The following FARS2 variants were observed in gnomAD, a reference collection of about 807,000 sequenced individuals.
FARS2 encodes phenylalanine--tRNA ligase, mitochondrial.
Under a neutral mutation model 46.4 loss-of-function variants are expected in FARS2, and 40 were observed. That is an observed-to-expected ratio of 0.86 (90% CI 0.67 to 1.12). The LOEUF (loss-of-function observed/expected upper bound fraction) is 1.12. FARS2 is among the 50% of genes most tolerant of loss of function. FARS2 has a pLI of 0.00. For synonymous variants in FARS2, 234 were observed against 214.9 expected (o/e 1.09, Z -0.78); for missense variants, 513 against 567.9 (o/e 0.90, Z 0.98).
intron 3 of FARS2, among the ~76,000 whole-genome samples, chr6:5,414,809 C>CTTTT (rs1473516505): frequency 2.5e-5 from 3 of 117,810 alleles, no homozygotes; most frequent in South Asian, 3.0e-4. Flanking sequence ...AGGTATATGA[C>CTTTT]TGTTTTTTTT....
intron 5 of FARS2, among the ~76,000 whole-genome samples, chr6:5,549,337 C>G (rs974887943): frequency 1.3e-5 from 2 of 152,188 alleles, no homozygotes; most frequent in Admixed American, 6.5e-5. Flanking sequence ...CCTCTTCCCC[C>G]CACTCCACGA....
chr6:5,322,676 C>G (rs1770066781), intron 1 of FARS2, among the ~76,000 whole-genome samples: 1 of 152,170 alleles, frequency 6.6e-6, no homozygotes, highest in Non-Finnish European at 1.5e-5. Context: ...TGACAGCCGT[C>G]ACACAGAGGG....
intron 2 of FARS2, among the ~76,000 whole-genome samples, chr6:5,379,627 T>C (rs568345685): frequency 6.6e-6 from 1 of 152,284 alleles, no homozygotes; most frequent in East Asian, 1.9e-4. Flanking sequence ...ATCCACGCTC[T>C]GGAATGTACC....
At chr6:5,287,177 A>AGT (rs1417973999) in intron 1 of FARS2, among the ~76,000 whole-genome samples, 1 of 152,182 alleles carries the variant, frequency 6.6e-6, no homozygotes, top group Non-Finnish European at 1.5e-5. Flanking sequence ...GGTGTGATAT[A>AGT]GTGTTCAGAT....
At chr6:5,507,605 AG>A (rs1330788205) in intron 4 of FARS2, among the ~76,000 whole-genome samples, 1 of 152,238 alleles carries the variant, frequency 6.6e-6, no homozygotes, top group Non-Finnish European at 1.5e-5. Flanking sequence ...GAACGTGAAG[AG>A]GAAGCAGAGC....
chr6:5,592,913 A>T (rs1350149654), intron 5 of FARS2, among the ~76,000 whole-genome samples: 1 of 152,192 alleles, frequency 6.6e-6, no homozygotes, highest in Admixed American at 6.5e-5. Context: ...GGGACCAACC[A>T]TCCATCACAC....
At chr6:5,648,755 A>G (rs997104580) in intron 6 of FARS2, among the ~76,000 whole-genome samples, 3 of 152,010 alleles carry the variant, frequency 2.0e-5, no homozygotes, top group Non-Finnish European at 4.4e-5. Context: ...CAATTCCACT[A>G]CTATTTTTAT....
At chr6:5,643,527 T>C (rs1776927122) in intron 6 of FARS2, among the ~76,000 whole-genome samples, 1 of 152,204 alleles carries the variant, frequency 6.6e-6, no homozygotes, top group Non-Finnish European at 1.5e-5. Flanking sequence ...TTCCTCACTG[T>C]GTTGGGCATC....
intron 4 of FARS2, among the ~76,000 whole-genome samples, chr6:5,482,954 C>T (rs114268633): frequency 0.012 from 1,846 of 152,254 alleles, 48 homozygotes; most frequent in African/African-American, 0.042. Flanking sequence ...GAAGGAATTG[C>T]TGGAGCTCTG....
At chr6:5,349,510 C>T (rs968443069) in intron 1 of FARS2, among the ~76,000 whole-genome samples, 1 of 152,154 alleles carries the variant, frequency 6.6e-6, no homozygotes, top group Non-Finnish European at 1.5e-5. Context: ...TACTAACTTT[C>T]AACCCTTGAG....
chr6:5,528,231 T>C (rs1769595071), intron 4 of FARS2, among the ~76,000 whole-genome samples: 2 of 152,146 alleles, frequency 1.3e-5, no homozygotes, highest in Admixed American at 1.3e-4. Flanking sequence ...GGTTTCACTC[T>C]GTTGCCAAGG....
chr6:5,534,201 A>G (rs1770038004), intron 4 of FARS2, among the ~76,000 whole-genome samples: 1 of 152,218 alleles, frequency 6.6e-6, no homozygotes, highest in Non-Finnish European at 1.5e-5. Context: ...CCTTTCAGAA[A>G]GTGACGAACA....
At chr6:5,575,964 G>A (rs1229384766) in intron 5 of FARS2, among the ~76,000 whole-genome samples, 5 of 152,080 alleles carry the variant, frequency 3.3e-5, no homozygotes, top group Admixed American at 3.3e-4. Context: ...CCATATTGGT[G>A]GTGAGAGCTC....
intron 5 of FARS2, among the ~76,000 whole-genome samples, chr6:5,574,597 A>G (rs1772852116): frequency 1.3e-5 from 2 of 152,322 alleles, no homozygotes; most frequent in East Asian, 1.9e-4. Context: ...CTGTGTGTGT[A>G]CAGTAGATTC....
At chr6:5,366,302 GTATGAATGTCGTTGGTCT>G (rs1758673281) in intron 1 of FARS2, among the ~76,000 whole-genome samples, 1 of 152,184 alleles carries the variant, frequency 6.6e-6, no homozygotes, top group Non-Finnish European at 1.5e-5. Context: ...ATTAATAGAA[GTATGAATGTCGTTGGTCT>G]TATCCTCCTG....
intron 5 of FARS2, among the ~76,000 whole-genome samples, chr6:5,579,928 T>TTTG (rs1003627778): frequency 2.0e-5 from 3 of 152,158 alleles, no homozygotes; most frequent in African/African-American, 7.2e-5. Context: ...TTTGTTTGTT[T>TTTG]TTGTTGTTGT....
intron 4 of FARS2, among the ~76,000 whole-genome samples, chr6:5,489,210 T>C (rs1287351167): frequency 6.6e-6 from 1 of 151,922 alleles, no homozygotes; most frequent in Non-Finnish European, 1.5e-5. Context: ...TCTGAGCACT[T>C]TGGGAGGCTG....
rs564015045 is a variant in FARS2, at chr6:5,665,976, G to A, written c.1217+52656G>A. Among the ~76,000 whole-genome samples the A allele has an allele frequency of 2.2e-4, 33 of 152,220 alleles. 1 individual carries two copies. The highest frequency in any genetic ancestry group is 7.2e-4 in the African/African-American group (30 of 41,534). On this transcript the variant is annotated intron_variant, in intron 6 of 6. Coordinates refer to ENST00000274680, the MANE Select transcript of FARS2 (RefSeq NM_006567.5). ...GTTTGGAGAGGAGGTGGCTGTAATC[G>A]CACAGGCACTGGCATTGAAGAGACC... is the stretch of plus-strand genomic sequence containing the variant.
chr6:5,520,325 T>G (rs186006233), intron 4 of FARS2, among the ~76,000 whole-genome samples: 1 of 152,198 alleles, frequency 6.6e-6, no homozygotes, highest in South Asian at 2.1e-4. Context: ...GGAGTCTCAC[T>G]CTTGCTGGGA....
Sources: allele counts gnomAD v4.1 joint callset (sites outside exome capture counted in the v4.1 genomes callset), GRCh38; gene constraint gnomAD v4.1.1; transcripts MANE v1.5; gene names NCBI Gene and HGNC (gene_info 2026-07-23, HGNC 2026-07-21).